Variants in MYO15B observed in about 807,000 individuals in gnomAD.
MYO15B encodes myosin XVB pseudogene.
A neutral mutation model predicts 119.3 loss-of-function variants in MYO15B; 207 were observed. The ratio of observed to expected loss-of-function variants is 1.73; its 90% CI spans 1.55 to 1.95. The LOEUF (loss-of-function observed/expected upper bound fraction) is 1.95. Among genes scored for constraint, MYO15B ranks in the 30% most tolerant of loss-of-function variants. The pLI is 0.00. For synonymous variants in MYO15B, 966 were observed against 498.9 expected (o/e 1.94, Z -12.48); for missense variants, 2,264 against 1,203.1 (o/e 1.88, Z -13.04).
rs80175090 is a variant in MYO15B at position 75,589,964 on chromosome 17, G to A, written c.1907G>A (p.Arg636His). 0.087 allele frequency: 34,650 copies of A among 398,628 alleles called. 1,678 individuals carry two copies. The highest frequency in any genetic ancestry group is 0.15 in the Middle Eastern group (239 of 1,592). 24.7% of individuals were successfully genotyped at this position (398,628 alleles called of 1,614,324 possible). ...ACCCTCAATGACGAGCCCCCGGTGC[G>A]CTGGGCGCAGGGCTCAGGCCCCCAC... The change falls in exon 1 of 64, where the codon CGC becomes CAC. Residue 636 changes from arginine to histidine, a missense_variant. By Grantham distance (29) the Arg-to-His change is conservative. Coordinates refer to ENST00000645453, the Ensembl canonical transcript of MYO15B. The surrounding 1 kb of genome is among the most constrained non-coding windows in gnomAD (Gnocchi z 4.2).
At chr17:75,617,463 C>T (rs1306109901) in intron 41 of MYO15B, 159 bp downstream of exon 41, 1 of 555,696 alleles carries the variant, frequency 1.8e-6, no homozygotes, top group East Asian at 3.0e-5. Context: ...GGAGTCCCAG[C>T]TTCCGCGTTC....
chr17:75,610,753 G>A lies in MYO15B; in HGVS notation c.4387-147G>A, dbSNP rs1750210833. 60 of 632,122 alleles carry A rather than the reference G, an allele frequency of 9.5e-5. 1 individual carries two copies. In the South Asian group the frequency reaches 1.0e-3, roughly 11 times the overall value. The allele number at this position is 632,122 out of a possible 1,614,324, so 39.2% of individuals were successfully genotyped here. ...GCTGGTGAGGGCCCTGGAGGGCCAG[G>A]GGTGGCTGGCCCCTCCTGATCTGTT... On this transcript the variant is annotated intron_variant, in intron 22 of 63. Transcript: ENST00000645453.
intron 14 of MYO15B, among the ~76,000 whole-genome samples, chr17:75,601,035 C>A (rs1207341704): frequency 1.3e-5 from 2 of 151,430 alleles, no homozygotes; most frequent in Non-Finnish European, 2.9e-5. Context: ...TCCTGAGTAG[C>A]TGAGATTACA....
chr17:75,625,935 G>A lies in MYO15B; in HGVS notation c.9030G>A (p.Gly3010=), dbSNP rs558563169. 6.9e-4 allele frequency: 482 copies of A among 702,626 alleles called. 1 individual carries two copies. Among genetic ancestry groups the A allele is most frequent in the African/African-American group, 4.6e-3 (264 of 57,354 alleles). The allele number at this position is 702,626 out of a possible 1,614,324, so 43.5% of individuals were successfully genotyped here. A position where few individuals can be genotyped will look rare whatever the true frequency, so the allele number is the denominator to read the frequency against. Residue 3010 remains glycine, a synonymous_variant, in exon 62 of 64, where the codon GGG becomes GGA. Transcript: ENST00000645453. ...CCCTGTCCGGACCCACTCTCCTGGG[G>A]CTCAACCGCCAGCATCTCATCCTCA...
At position 75,597,196 on chromosome 17, in the gene MYO15B, C is replaced by T. The variant is rs920052626; in HGVS notation, c.3525+297C>T. 2.6e-5 allele frequency among the ~76,000 whole-genome samples: 4 copies of T among 152,296 alleles called. 1 individual carries two copies. The highest frequency in any genetic ancestry group is 4.2e-4 in the South Asian group (2 of 4,818). On this transcript the variant is annotated intron_variant, in intron 14 of 63. Transcript: ENST00000645453. ...CAGTAGTGCCCGATGGGCAAGGTGG[C>T]GGGGACTGCACGAGGCTCATGAAGG...
Position 75,602,956 on chromosome 17 carries a change from C to T in MYO15B, c.3845+11C>T, listed in dbSNP as rs1243138944. The T allele has an allele frequency of 8.7e-6, 6 of 693,244 alleles. No homozygotes were observed. The highest frequency in any genetic ancestry group is 2.7e-5 in the East Asian group (1 of 37,228). The allele number at this position is 693,244 out of a possible 1,614,324, so 42.9% of individuals were successfully genotyped here. A position where few individuals can be genotyped will look rare whatever the true frequency, so the allele number is the denominator to read the frequency against. Reference sequence around the variant, plus strand: ...AGCCCGGCTGGGCAGGTAAGAACAGCGCCCGCCACACCAGACCCCAGGGAG... The same window carrying T: ...AGCCCGGCTGGGCAGGTAAGAACAGTGCCCGCCACACCAGACCCCAGGGAG... On this transcript the variant is annotated intron_variant, in intron 17 of 63. Coordinates refer to ENST00000645453, the Ensembl canonical transcript of MYO15B.
At chr17:75,587,808 C>T (rs1005303909) in exon 1 of MYO15B, among the ~76,000 whole-genome samples, 19 of 152,258 alleles carry the variant, frequency 1.2e-4, no homozygotes, top group Non-Finnish European at 2.1e-4. Context: ...GCACTGTTGC[C>T]CTGTCCGCAG....
rs2057583321 is a variant in MYO15B, at chr17:75,605,486, G to A, written c.4017-18G>A. On this transcript the variant is annotated intron_variant, in intron 19 of 63. Coordinates refer to ENST00000645453, the Ensembl canonical transcript of MYO15B. ...GGAGGTTCTGGCTATTCTGATCTCA[G>A]CTCCATCCTTGGAGCAGCTTCCAGG... 2.9e-6 allele frequency: 2 copies of A among 700,934 alleles called. No individual in the cohort carries two copies. Among genetic ancestry groups the A allele is most frequent in the Non-Finnish European group, 5.2e-6 (2 of 384,652 alleles). The allele number at this position is 700,934 out of a possible 1,614,324, so 43.4% of individuals were successfully genotyped here.
At chr17:75,616,889 C>T (rs1312728848) in exon 40 of MYO15B, 2 of 702,930 alleles carry the variant, frequency 2.8e-6, no homozygotes, top group African/African-American at 3.5e-5. Context: ...CCAAAGCTTT[C>T]CTGAGGAAAA....
chr17:75,604,381 C>CT lies in MYO15B; in HGVS notation c.4016+1070dup, dbSNP rs570558348. Among the ~76,000 whole-genome samples the CT allele has an allele frequency of 5.9e-5, 9 of 152,190 alleles. No homozygotes were observed. In the East Asian group the frequency reaches 1.2e-3, roughly 20 times the overall value. ...CTGCACGGTGCTTGCTTGGTACAGA[C>CT]TAACTACTGAGTGTCCATTAAGCCA... On this transcript the variant is annotated intron_variant, in intron 19 of 63. Coordinates refer to ENST00000645453, the Ensembl canonical transcript of MYO15B.
chr17:75,588,438 G>A (rs2056199887), exon 1 of MYO15B: 3 of 398,516 alleles, frequency 7.5e-6, no homozygotes, highest in African/African-American at 2.1e-5. Context: ...GCCGTAGGAG[G>A]AAGCGGAAAG....
At chr17:75,607,688 T>TCTTCTGAGTCGATCCACCC (rs2057745813) in intron 21 of MYO15B, among the ~76,000 whole-genome samples, 1 of 151,898 alleles carries the variant, frequency 6.6e-6, no homozygotes, top group Non-Finnish European at 1.5e-5. Context: ...TGAACTCCTG[T>TCTTCTGAGTCGATCCACCC]CTTCTGAGTC....
chr17:75,622,977 G>A (rs1005440131), intron 53 of MYO15B, among the ~76,000 whole-genome samples: 6 of 152,210 alleles, frequency 3.9e-5, no homozygotes, highest in African/African-American at 1.4e-4. Flanking sequence ...GAGGTTCAAG[G>A]GCACAGCACC....
At chr17:75,606,180 C>G (rs921143114) in intron 21 of MYO15B, 159 bp downstream of exon 21, 2 of 542,514 alleles carry the variant, frequency 3.7e-6, no homozygotes, top group African/African-American at 3.8e-5. Flanking sequence ...ACGGCATTAC[C>G]CCCCATACCC....
At chr17:75,591,788 C>T (rs920062038) in intron 5 of MYO15B, 76 bp downstream of exon 5, 10 of 699,838 alleles carry the variant, frequency 1.4e-5, no homozygotes, top group Non-Finnish European at 2.1e-5. Flanking sequence ...TGACCATGTC[C>T]AAGGGACTAT....
chr17:75,616,447 G>T lies in MYO15B; in HGVS notation c.6244+1G>T. 1.5e-6 allele frequency: 1 copy of T among 646,706 alleles called. No homozygotes were observed. Among genetic ancestry groups the T allele is most frequent in the Non-Finnish European group, 2.8e-6 (1 of 358,648 alleles). 40.1% of individuals were successfully genotyped at this position (646,706 alleles called of 1,614,324 possible). ...GAGCAAGAAGTGGAAACAAGAGCAG[G>T]TTGTGGGGAGCTGGGCAGGGCCTGG... On this transcript the variant is annotated splice_donor_variant, in intron 38 of 63. Transcript: ENST00000645453. LOFTEE classifies it high-confidence loss of function.
chr17:75,611,820 A>G (rs2058048315), intron 24 of MYO15B, 66 bp from the exon 25 acceptor site: 1 of 697,468 alleles, frequency 1.4e-6, no homozygotes, highest in Admixed American at 2.0e-5. Context: ...TGAGGGATGG[A>G]GGTGGTCCCA....
At chr17:75,622,383 G>A (rs749519595) in intron 53 of MYO15B, among the ~76,000 whole-genome samples, 3 of 152,180 alleles carry the variant, frequency 2.0e-5, no homozygotes, top group South Asian at 2.1e-4. Flanking sequence ...GAGTGAGCAC[G>A]GGGTGACAGA....
At chr17:75,621,918 T>C (rs1273586224) in intron 52 of MYO15B, 86 bp from the exon 53 acceptor site, 7 of 667,160 alleles carry the variant, frequency 1.0e-5, no homozygotes, top group Non-Finnish European at 1.9e-5. Flanking sequence ...AGATGGCAGG[T>C]GAAGGCCCTG....
Sources: gnomAD v4.1 joint callset for allele counts (sites outside exome capture counted in the v4.1 genomes callset) on GRCh38, gnomAD v4.1.1 for gene constraint, Gnocchi (gnomAD v3.1) non-coding constraint, MANE v1.5 for transcripts, NCBI Gene and HGNC (gene_info 2026-07-23, HGNC 2026-07-21) for gene names.